CENPP: variants seen among roughly 807,000 people sequenced by gnomAD.
CENPP encodes centromere protein P.
In CENPP, 24 loss-of-function variants were observed where a neutral mutation model predicts 35.6. The ratio of observed to expected loss-of-function variants is 0.67; its 90% CI spans 0.49 to 0.95. The LOEUF is 0.95. Ranked by LOEUF, CENPP falls within the 40% of genes least tolerant of loss-of-function variation. The pLI, the probability that CENPP is intolerant of heterozygous loss-of-function variation, is 0.00. For missense variants in CENPP, 332 were observed against 345.3 expected (o/e 0.96, Z 0.31); for synonymous variants, 120 against 125.5 (o/e 0.96, Z 0.29).
At chr9:92,608,875 G>C (rs1482514979) in intron 5 of CENPP, among the ~76,000 whole-genome samples, 2 of 152,226 alleles carry the variant, frequency 1.3e-5, no homozygotes, top group Non-Finnish European at 2.9e-5. Context: ...GGAGAGGTGA[G>C]GAGAGGCCCA....
intron 5 of CENPP, chr9:92,393,099 A>C: frequency 6.2e-7 from 1 of 1,613,484 alleles, no homozygotes; most frequent in Non-Finnish European, 8.5e-7. Flanking sequence ...TGTCTGCAAA[A>C]TCTTTGGCAG....
chr9:92,552,002 G>C (rs1269530439), intron 5 of CENPP, among the ~76,000 whole-genome samples: 221 of 138,456 alleles, frequency 1.6e-3, no homozygotes, highest in Non-Finnish European at 2.3e-3. Context: ...TGATATATAT[G>C]TGTATATATA....
chr9:92,376,323 A>C (rs1356197210), intron 4 of CENPP, among the ~76,000 whole-genome samples: 1 of 152,138 alleles, frequency 6.6e-6, no homozygotes, highest in South Asian at 2.1e-4. Flanking sequence ...TTTGCCTTTT[A>C]GTATTTTTGA....
chr9:92,578,765 A>T (rs1248890267), intron 5 of CENPP, among the ~76,000 whole-genome samples: 2 of 151,624 alleles, frequency 1.3e-5, no homozygotes, highest in Middle Eastern at 6.8e-3. Flanking sequence ...GTTCACTCTG[A>T]TGGTAGTTTC....
intron 5 of CENPP, chr9:92,417,556 C>A: frequency 6.4e-7 from 1 of 1,554,394 alleles, no homozygotes; most frequent in Non-Finnish European, 8.7e-7. Flanking sequence ...TTAAAAAACC[C>A]ATCTTCTTTT....
chr9:92,486,258 G>A (rs1846055526), intron 5 of CENPP, among the ~76,000 whole-genome samples: 1 of 152,106 alleles, frequency 6.6e-6, no homozygotes, highest in Non-Finnish European at 1.5e-5. Flanking sequence ...TTGTATAGTA[G>A]ATGCTTAAAA....
chr9:92,483,885 T>C (rs1845991892), intron 5 of CENPP, among the ~76,000 whole-genome samples: 1 of 152,174 alleles, frequency 6.6e-6, no homozygotes, highest in Admixed American at 6.5e-5. Flanking sequence ...CCTCTGTAAC[T>C]CAGGCCCCAT....
At chr9:92,420,370 C>A (rs1843751579) in intron 5 of CENPP, among the ~76,000 whole-genome samples, 1 of 152,214 alleles carries the variant, frequency 6.6e-6, no homozygotes, top group Admixed American at 6.5e-5. Context: ...CCTAAACTTT[C>A]TGGCTCCTTC....
intron 5 of CENPP, among the ~76,000 whole-genome samples, chr9:92,566,853 G>A (rs767221931): frequency 6.6e-6 from 1 of 152,150 alleles, no homozygotes; most frequent in African/African-American, 2.4e-5. Context: ...GTTGAACAAC[G>A]TGAATATAAA....
rs774279908 is a variant in CENPP, at chr9:92,416,653, C to T, written c.564+36794C>T. 1.4e-5 allele frequency: 22 copies of T among 1,600,756 alleles called. No individual in the cohort carries two copies. In the Middle Eastern group the frequency reaches 5.0e-4, roughly 37 times the overall value. ...CATTATTTTGTAGGTATAGGTGTTC[C>T]AAATTTCTTGGAATATAGAATGCTT... On this transcript the variant is annotated intron_variant, in intron 5 of 7. Transcript: ENST00000375587.
chr9:92,619,648 G>T lies in CENPP; in HGVS notation c.*6499G>T, dbSNP rs1485616653. 5 of 1,213,576 alleles carry T rather than the reference G, an allele frequency of 4.1e-6. No homozygotes were observed. The African/African-American group carries it at 6.0e-5, about 15-fold the overall frequency. 75.2% of individuals were successfully genotyped at this position (1,213,576 alleles called of 1,614,324 possible). ...CAACCTTCCTTCCCAGTAGCCAAGT[G>T]TGGGAACTGCTTCCTGCCTCAGAAC... On this transcript the variant is annotated 3_prime_UTR_variant, in exon 8 of 8. Transcript: ENST00000375587.
intron 5 of CENPP, among the ~76,000 whole-genome samples, chr9:92,444,670 T>C (rs192544376): frequency 1.1e-4 from 16 of 152,318 alleles, no homozygotes; most frequent in Admixed American, 5.9e-4. Flanking sequence ...GTGTTGTGAA[T>C]GTATTGTCCC....
intron 5 of CENPP, among the ~76,000 whole-genome samples, chr9:92,419,480 T>C (rs1843721095): frequency 6.6e-6 from 1 of 151,962 alleles, no homozygotes; most frequent in Non-Finnish European, 1.5e-5. Context: ...TTTGTATTTT[T>C]AGTAGAGATG....
At chr9:92,612,489 A>G in intron 6 of CENPP, 34 bp from the exon 7 acceptor site, 1 of 1,539,712 alleles carries the variant, frequency 6.5e-7, no homozygotes, top group East Asian at 2.2e-5. Context: ...AGATTTCAAA[A>G]AGCACATAAC....
intron 5 of CENPP, among the ~76,000 whole-genome samples, chr9:92,486,456 T>C (rs566864567): frequency 6.6e-6 from 1 of 152,312 alleles, no homozygotes; most frequent in Non-Finnish European, 1.5e-5. Flanking sequence ...ACATTTGATA[T>C]CGAAGTCCAA....
At chr9:92,471,744 G>A (rs1845526071) in intron 5 of CENPP, among the ~76,000 whole-genome samples, 1 of 149,686 alleles carries the variant, frequency 6.7e-6, no homozygotes, top group African/African-American at 2.5e-5. Context: ...TCGGCTCACT[G>A]CAACCTCCAC....
chr9:92,370,781 C>CTAGA (rs1304107137), intron 4 of CENPP, among the ~76,000 whole-genome samples: 6 of 152,182 alleles, frequency 3.9e-5, no homozygotes, highest in Non-Finnish European at 8.8e-5. Flanking sequence ...CACACCCAAC[C>CTAGA]TAGACTTCTT....
intron 5 of CENPP, among the ~76,000 whole-genome samples, chr9:92,477,934 C>A (rs1845770646): frequency 6.6e-6 from 1 of 152,084 alleles, no homozygotes; most frequent in Non-Finnish European, 1.5e-5. Flanking sequence ...ATGTGTGGTA[C>A]CCAGAGCTTT....
chr9:92,408,866 T>C (rs1177369884), intron 5 of CENPP, among the ~76,000 whole-genome samples: 1 of 152,216 alleles, frequency 6.6e-6, no homozygotes, highest in Non-Finnish European at 1.5e-5. Flanking sequence ...AGACCCTTTT[T>C]AATCCAGCAT....
Sources: gnomAD v4.1 joint callset for allele counts (sites outside exome capture counted in the v4.1 genomes callset) on GRCh38, gnomAD v4.1.1 for gene constraint, MANE v1.5 for transcripts, NCBI Gene and HGNC (gene_info 2026-07-23, HGNC 2026-07-21) for gene names.